CDC25B: variants seen among roughly 807,000 people sequenced by gnomAD.
CDC25B encodes cell division cycle 25B, also known as M-phase inducer phosphatase 2.
CDC25B carries 33 observed loss-of-function variants against 69.8 expected under a neutral mutation model. The observed-to-expected ratio is 0.47, with a 90% CI of 0.36 to 0.63. The LOEUF is 0.63. Ranked by LOEUF, CDC25B falls within the 30% of genes least tolerant of loss-of-function variation. CDC25B has a pLI of 0.00. For synonymous variants in CDC25B, 341 were observed against 314.6 expected (o/e 1.08, Z -0.89); for missense variants, 727 against 809.1 (o/e 0.90, Z 1.23).
At position 3,801,355 on chromosome 20, in the gene CDC25B, T is replaced by G. The variant is rs934948129; in HGVS notation, c.807T>G (p.Asp269Glu). 6.2e-7 allele frequency: 1 copy of G among 1,613,772 alleles called. No individual in the cohort carries two copies. Residue 269 changes from aspartate (D) to glutamate (E), a missense_variant, in exon 8 of 16, where the codon GAT (aspartate) becomes GAG (glutamate). By Grantham distance (45) the Asp-to-Glu change is conservative. Around this residue, in one of 2 missense-constraint regions of CDC25B, gnomAD observed 359 missense variants for 463.4 expected, o/e 0.77. Transcript: ENST00000245960. ...CAGAGGGGGATACTGAGGAAGATGA[T>G]GGATTTGTGGACATCCTAGAGAGTG... ...TPAEGDTEED[D>E]GFVDILESDL...
In CDC25B at chr20:3,805,451, C is replaced by A; in HGVS notation, c.*490C>A. On this transcript the variant is annotated 3_prime_UTR_variant, in exon 16 of 16. Coordinates refer to ENST00000245960, the MANE Select transcript of CDC25B (RefSeq NM_021873.4). Reference sequence around the variant, plus strand: ...TCTGTAGGAACCGTGGTATGTCTGCCATGTTGCCCCTTTCTCTTTTCCCCT... The same window carrying A: ...TCTGTAGGAACCGTGGTATGTCTGCAATGTTGCCCCTTTCTCTTTTCCCCT... 1 of 261,600 alleles carries A rather than the reference C, an allele frequency of 3.8e-6. No homozygotes were observed. Among genetic ancestry groups the A allele is most frequent in the Admixed American group, 5.0e-5 (1 of 20,134 alleles). 16.2% of individuals were successfully genotyped at this position (261,600 alleles called of 1,614,324 possible). A position where few individuals can be genotyped will look rare whatever the true frequency, so the allele number is the denominator to read the frequency against.
upstream of CDC25B, among the ~76,000 whole-genome samples, chr20:3,791,544 A>C (rs2088915255): frequency 1.3e-5 from 2 of 152,154 alleles, no homozygotes; most frequent in East Asian, 3.9e-4. Flanking sequence ...TGTGCCAAGC[A>C]TAGTGGGATG....
chr20:3,803,264 T>C lies in CDC25B; in HGVS notation c.1356+58T>C. 6.3e-7 allele frequency: 1 copy of C among 1,576,138 alleles called. No homozygotes were observed. The highest frequency in any genetic ancestry group is 2.2e-5 in the East Asian group (1 of 44,552). On this transcript the variant is annotated intron_variant, in intron 13 of 15. Transcript: ENST00000245960. This position sits in a 1 kb window ranked among gnomAD's most constrained non-coding sequence, Gnocchi z 4.9. The stretch of plus-strand genomic sequence containing the variant: ...ATCCCACCTGGTTTAGGTCCTTGCT[T>C]TGCCAAGAGGGTGAATGGGTGGAGG...
In CDC25B at chr20:3,801,026, C is replaced by T; in HGVS notation, c.638C>T (p.Ala213Val). 2 of 1,614,056 alleles carry T rather than the reference C, an allele frequency of 1.2e-6. No individual in the cohort carries two copies. Among genetic ancestry groups the T allele is most frequent in the Non-Finnish European group, 1.7e-6 (2 of 1,179,900 alleles). ...WKPTHPSSTH[A>V]LAEWASRREA... ...CCCACACATCCCAGCTCCACCCATG[C>T]TCTGGCAGAGTGGGCCAGCCGCAGG... is the stretch of plus-strand genomic sequence containing the variant. The change falls in exon 7 of 16, where the codon GCT becomes GTT. Residue 213 changes from alanine to valine, a missense_variant. Ala to Val is a moderately conservative substitution (Grantham distance 64, BLOSUM62 0). Coordinates refer to ENST00000245960, the MANE Select transcript of CDC25B (RefSeq NM_021873.4).
chr20:3,789,538 G>C (rs2088878207), intron 1 of CDC25B, among the ~76,000 whole-genome samples: 1 of 151,918 alleles, frequency 6.6e-6, no homozygotes, highest in African/African-American at 2.4e-5. Flanking sequence ...ACCTGGCTTA[G>C]TTTTGTATTT....
At position 3,802,112 on chromosome 20, in the gene CDC25B, C is replaced by A; in HGVS notation, c.1098+12C>A. 1.3e-6 allele frequency: 2 copies of A among 1,544,632 alleles called. No homozygotes were observed. Among genetic ancestry groups the A allele is most frequent in the Non-Finnish European group, 8.8e-7 (1 of 1,141,570 alleles). ...AGGCTGAGGAACCTGTGAGTGCCTTCCTCCTGGGGTTCACTTTGGCATGCA... is the reference window on the plus strand; with the variant it reads ...AGGCTGAGGAACCTGTGAGTGCCTTACTCCTGGGGTTCACTTTGGCATGCA... On this transcript the variant is annotated intron_variant, in intron 10 of 15. Transcript: ENST00000245960.
At chr20:3,795,963 C>T (rs2089020926), upstream of CDC25B, 23 of 987,932 alleles carry the variant, frequency 2.3e-5, no homozygotes, top group Non-Finnish European at 2.8e-5. Context: ...AGCCTCTCCC[C>T]ATCCCTAGCG....
chr20:3,798,643 T>C (rs2089154267), intron 3 of CDC25B, among the ~76,000 whole-genome samples, 180 bp downstream of exon 3: 1 of 152,144 alleles, frequency 6.6e-6, no homozygotes, highest in African/African-American at 2.4e-5. Flanking sequence ...GCTCCCTGTC[T>C]CAGAGAAGGA....
upstream of CDC25B, chr20:3,796,198 CCCCGCCCTCAGT>C (rs1449771363): frequency 2.5e-6 from 3 of 1,187,612 alleles, no homozygotes; most frequent in Admixed American, 4.8e-5. Context: ...GCCCTGCGGG[CCCCGCCCTCAGT>C]CCCGCCCTCA....
chr20:3,789,845 C>T (rs930219403), intron 1 of CDC25B, among the ~76,000 whole-genome samples: 8 of 151,936 alleles, frequency 5.3e-5, no homozygotes, highest in South Asian at 2.1e-4. Flanking sequence ...AAAAATTAGC[C>T]GGGCATGGTG....
At position 3,800,951 on chromosome 20, in the gene CDC25B, C is replaced by G; in HGVS notation, c.583-20C>G. On this transcript the variant is annotated intron_variant, in intron 6 of 15. Transcript: ENST00000245960. ...GGTTCCCTGGCATGTGAGGACCCTC[C>G]TCTCCCATCTTGGCTGCAGGATGGA... 2.5e-6 allele frequency: 4 copies of G among 1,613,688 alleles called. No individual in the cohort carries two copies. The highest frequency in any genetic ancestry group is 3.4e-6 in the Non-Finnish European group (4 of 1,179,708).
At chr20:3,799,515 TGTGTGTGTGTGC>T (rs780591828) in intron 3 of CDC25B, among the ~76,000 whole-genome samples, 5,499 of 61,716 alleles carry the variant, frequency 0.089, 293 homozygotes, top group African/African-American at 0.23. Flanking sequence ...TGTGTGTGTG[TGTGTGTGTGTGC>T]GCGCGCGCGC....
At chr20:3,802,524 C>A in intron 11 of CDC25B, 148 bp downstream of exon 11, 1 of 625,042 alleles carries the variant, frequency 1.6e-6, no homozygotes. Flanking sequence ...TTTGTTCTCA[C>A]ATAGACTCCT....
At chr20:3,791,577 G>C (rs867740015), upstream of CDC25B, among the ~76,000 whole-genome samples, 1 of 152,102 alleles carries the variant, frequency 6.6e-6, no homozygotes, top group Non-Finnish European at 1.5e-5. Flanking sequence ...CAGCTACTTG[G>C]GAGGCTGAGG....
At chr20:3,790,420 C>T (rs888149631) in intron 1 of CDC25B, among the ~76,000 whole-genome samples, 1 of 144,440 alleles carries the variant, frequency 6.9e-6, no homozygotes, top group Non-Finnish European at 1.5e-5. Context: ...ACTCTGTCGC[C>T]CAGGCTGGAG....
chr20:3,800,178 C>T (rs531663203), intron 3 of CDC25B, 110 bp from the exon 4 acceptor site: 5 of 658,032 alleles, frequency 7.6e-6, no homozygotes, highest in South Asian at 2.1e-5. Flanking sequence ...CTGCCTTGAG[C>T]CTTGGCCCTT....
upstream of CDC25B, chr20:3,796,190 C>G: frequency 8.5e-7 from 1 of 1,180,622 alleles, no homozygotes; most frequent in Non-Finnish European, 1.0e-6. Context: ...CGCCTCTTGC[C>G]CTGCGGGCCC....
intron 1 of CDC25B, among the ~76,000 whole-genome samples, chr20:3,789,451 ACCT>A (rs1465990530): frequency 9.2e-5 from 14 of 151,576 alleles, no homozygotes; most frequent in Non-Finnish European, 4.4e-5. Context: ...GCTCACTGCA[ACCT>A]CCTCCTCCCT....
upstream of CDC25B, among the ~76,000 whole-genome samples, chr20:3,793,832 G>A (rs2088959285): frequency 6.8e-6 from 1 of 146,610 alleles, no homozygotes; most frequent in Admixed American, 6.9e-5. Flanking sequence ...TCCCACCTAT[G>A]AGTAGAATAT....
Sources: gnomAD v4.1 joint callset for allele counts (sites outside exome capture counted in the v4.1 genomes callset) on GRCh38, gnomAD v4.1.1 for gene constraint, gnomAD v4.1.1 regional missense constraint, Gnocchi (gnomAD v3.1) non-coding constraint, MANE v1.5 for transcripts, NCBI Gene and HGNC (gene_info 2026-07-23, HGNC 2026-07-21) for gene names.